FSTL5: variants seen among roughly 807,000 people sequenced by gnomAD.
FSTL5 encodes the protein follistatin like 5.
Under a neutral mutation model 89.1 loss-of-function variants are expected in FSTL5, and 62 were observed. The observed-to-expected ratio is 0.70, with a 90% CI of 0.57 to 0.86. FSTL5 has a LOEUF of 0.86. FSTL5 is among the 40% of genes least tolerant of loss of function. The pLI, the probability that FSTL5 is intolerant of heterozygous loss-of-function variation, is 0.00. For missense variants in FSTL5, 1,057 were observed against 1,001.6 expected (o/e 1.06, Z -0.75); for synonymous variants, 383 against 346.2 (o/e 1.11, Z -1.18).
rs146942047 is a variant in FSTL5 at position 161,792,856 on chromosome 4, G to A, written c.410-16782C>T. 1.2e-3 allele frequency among the ~76,000 whole-genome samples: 180 copies of A among 152,234 alleles called. 1 individual carries two copies. Among genetic ancestry groups the A allele is most frequent in the African/African-American group, 4.0e-3 (166 of 41,552 alleles). ...ATAATTTGGGACCCACCAAATGGAG[G>A]GACTTAAAAGAGCTGTAACACAAAC... On this transcript the variant is annotated intron_variant, in intron 4 of 15. Coordinates refer to ENST00000306100, the MANE Select transcript of FSTL5 (RefSeq NM_020116.5).
intron 1 of FSTL5, among the ~76,000 whole-genome samples, chr4:162,127,136 A>G (rs1056809003): frequency 1.3e-5 from 2 of 152,150 alleles, no homozygotes; most frequent in Admixed American, 6.5e-5. Flanking sequence ...GCTTCCAAGA[A>G]CTTGTAATAG....
chr4:161,497,773 G>T lies in FSTL5; in HGVS notation c.1458+2243C>A, dbSNP rs141110191. 8.4e-3 allele frequency among the ~76,000 whole-genome samples: 1,274 copies of T among 152,044 alleles called. 12 individuals are homozygous for T. The highest frequency in any genetic ancestry group is 0.029 in the African/African-American group (1,211 of 41,534). On this transcript the variant is annotated intron_variant, in intron 12 of 15. Transcript: ENST00000306100. The stretch of plus-strand genomic sequence containing the variant: ...GTGACTTTAAAAATCTGATATAGCA[G>T]ATTAGTTATTAGTAACTAGTTATCT...
chr4:161,567,640 C>G (rs993305846), intron 8 of FSTL5, among the ~76,000 whole-genome samples: 1 of 151,976 alleles, frequency 6.6e-6, no homozygotes, highest in African/African-American at 2.4e-5. Flanking sequence ...ATGAAGAAAA[C>G]AACTTTGTAA....
intron 3 of FSTL5, among the ~76,000 whole-genome samples, chr4:162,020,956 T>A (rs1448048282): frequency 6.6e-6 from 1 of 152,162 alleles, no homozygotes; most frequent in Non-Finnish European, 1.5e-5. Flanking sequence ...TAAATTGCTA[T>A]AAAAGTGAGT....
intron 4 of FSTL5, among the ~76,000 whole-genome samples, chr4:161,910,367 C>T (rs985606914): frequency 3.3e-5 from 5 of 152,140 alleles, no homozygotes; most frequent in Non-Finnish European, 7.4e-5. Context: ...ACTTATAGCT[C>T]ATAAATATAT....
intron 10 of FSTL5, among the ~76,000 whole-genome samples, chr4:161,535,926 A>G (rs1731595983): frequency 6.6e-6 from 1 of 152,094 alleles, no homozygotes; most frequent in Non-Finnish European, 1.5e-5. Flanking sequence ...ATGAAATCAT[A>G]GTCTTTGAAA....
intron 6 of FSTL5, among the ~76,000 whole-genome samples, chr4:161,705,601 C>A (rs1038151829): frequency 3.3e-5 from 5 of 151,670 alleles, no homozygotes; most frequent in Non-Finnish European, 7.4e-5. Context: ...AATTCCGGGT[C>A]AACTGCCTAC....
In FSTL5 at chr4:161,681,793, T is replaced by C. The variant is rs979394289; in HGVS notation, c.728-25299A>G. Among the ~76,000 whole-genome samples, 165 of 152,312 alleles carry C rather than the reference T, an allele frequency of 1.1e-3. 2 individuals are homozygous for C. Among genetic ancestry groups the C allele is most frequent in the Non-Finnish European group, 4.7e-4 (32 of 68,014 alleles). On this transcript the variant is annotated intron_variant, in intron 6 of 15. Coordinates refer to ENST00000306100, the MANE Select transcript of FSTL5 (RefSeq NM_020116.5). ...TAAATTTTAGAATATTTTAAGACTT[T>C]GTGTATGTTGTCAAATTGCTTTACA...
chr4:161,838,722 G>C (rs1731124907), intron 4 of FSTL5, among the ~76,000 whole-genome samples: 1 of 151,976 alleles, frequency 6.6e-6, no homozygotes, highest in African/African-American at 2.4e-5. Context: ...AATATATATA[G>C]GGAGAGAGAG....
At chr4:161,758,331 GA>G (rs137909117) in intron 6 of FSTL5, among the ~76,000 whole-genome samples, 23 of 149,186 alleles carry the variant, frequency 1.5e-4, no homozygotes, top group African/African-American at 5.1e-4. Flanking sequence ...TATCTTTTCT[GA>G]AAAAAAAATG....
chr4:161,607,465 T>C (rs991719045), intron 7 of FSTL5, among the ~76,000 whole-genome samples: 2 of 152,130 alleles, frequency 1.3e-5, no homozygotes, highest in African/African-American at 4.8e-5. Context: ...TTTTCATATT[T>C]ATGTTATCTG....
chr4:161,768,423 T>C (rs1741092207), intron 5 of FSTL5, among the ~76,000 whole-genome samples: 1 of 151,964 alleles, frequency 6.6e-6, no homozygotes, highest in Non-Finnish European at 1.5e-5. Flanking sequence ...TTTTGCATAA[T>C]AAGGAATTTG....
In FSTL5 at chr4:161,425,869, C is replaced by G. The variant is rs868410029; in HGVS notation, c.1841+29135G>C. Among the ~76,000 whole-genome samples, 22 of 152,064 alleles carry G rather than the reference C, an allele frequency of 1.4e-4. 1 individual carries two copies. The Middle Eastern group carries it at 0.01, about 71-fold the overall frequency. On this transcript the variant is annotated intron_variant, in intron 15 of 15. Coordinates refer to ENST00000306100, the MANE Select transcript of FSTL5 (RefSeq NM_020116.5). ...CAAATTCTGTTCTCTCTCTTTTTCTCTCTCAGGAGTGAGGCAACCGCTTCT... is the reference window on the plus strand; with the variant it reads ...CAAATTCTGTTCTCTCTCTTTTTCTGTCTCAGGAGTGAGGCAACCGCTTCT...
chr4:161,733,362 C>T (rs1273671851), intron 6 of FSTL5, among the ~76,000 whole-genome samples: 2 of 151,990 alleles, frequency 1.3e-5, no homozygotes, highest in Non-Finnish European at 2.9e-5. Context: ...TCCTGCAGAA[C>T]TTATAAGTCC....
intron 7 of FSTL5, among the ~76,000 whole-genome samples, chr4:161,611,916 T>C (rs1193110769): frequency 6.6e-6 from 1 of 152,150 alleles, no homozygotes. Context: ...ACTGCGGATG[T>C]CATGAGCACT....
At chr4:162,124,261 T>G (rs1373870384) in intron 1 of FSTL5, among the ~76,000 whole-genome samples, 1 of 152,180 alleles carries the variant, frequency 6.6e-6, no homozygotes, top group African/African-American at 2.4e-5. Context: ...TATATGCAAC[T>G]CCATCAAGAT....
intron 8 of FSTL5, among the ~76,000 whole-genome samples, chr4:161,555,988 A>C (rs944309669): frequency 3.6e-4 from 54 of 151,586 alleles, no homozygotes; most frequent in Admixed American, 1.8e-3. Flanking sequence ...ATTGATCAAC[A>C]ATGTTTGTCA....
At chr4:161,597,992 G>A (rs1734088609) in intron 7 of FSTL5, among the ~76,000 whole-genome samples, 1 of 152,126 alleles carries the variant, frequency 6.6e-6, no homozygotes, top group Non-Finnish European at 1.5e-5. Context: ...TTACTCAGTT[G>A]AAAAACATGA....
intron 15 of FSTL5, among the ~76,000 whole-genome samples, chr4:161,401,227 T>C (rs1731168707): frequency 6.6e-6 from 1 of 152,182 alleles, no homozygotes; most frequent in South Asian, 2.1e-4. Flanking sequence ...AAACTTAATC[T>C]TACTCAATTT....
Sources: gnomAD v4.1 joint callset for allele counts (sites outside exome capture counted in the v4.1 genomes callset) on GRCh38, gnomAD v4.1.1 for gene constraint, MANE v1.5 for transcripts, NCBI Gene and HGNC (gene_info 2026-07-23, HGNC 2026-07-21) for gene names.